Variants in AOPEP observed in about 807,000 individuals in gnomAD.
The protein encoded by AOPEP is aminopeptidase O.
In AOPEP, 77 loss-of-function variants were observed where a neutral mutation model predicts 98.1. The observed-to-expected ratio is 0.78, with a 90% CI of 0.65 to 0.95. AOPEP has a LOEUF of 0.95. Among genes scored for constraint, AOPEP ranks in the 40% least tolerant of loss-of-function variants. The probability of loss-of-function intolerance (pLI) is 0.00; values close to 1 mark genes in which losing one functional copy is unlikely to be tolerated. For synonymous variants in AOPEP, 346 were observed against 365.3 expected, an observed-to-expected ratio of 0.95 and a Z score of 0.60; for missense variants, 1,024 against 1,024.7, an observed-to-expected ratio of 1.00 and a Z score of 0.01.
intron 5 of AOPEP, among the ~76,000 whole-genome samples, chr9:94,805,236 T>C (rs921638271): frequency 2.0e-5 from 3 of 152,090 alleles, no homozygotes; most frequent in African/African-American, 7.2e-5. Context: ...GAGAACCTGA[T>C]TGGCTTAGCA....
Position 95,072,447 on chromosome 9 carries a change from G to A in AOPEP, c.2233-8247G>A, listed in dbSNP as rs1037622030. Among the ~76,000 whole-genome samples, 3 of 152,096 alleles carry A rather than the reference G, an allele frequency of 2.0e-5. No individual in the cohort carries two copies. The East Asian group carries it at 5.8e-4, about 29-fold the overall frequency. Reference sequence around the variant, plus strand: ...CTGAGGCGGGATCACTTGAGCCCAGGAGTTTTTGTATTTTTTATAGAGACA... The same window carrying A: ...CTGAGGCGGGATCACTTGAGCCCAGAAGTTTTTGTATTTTTTATAGAGACA... On this transcript the variant is annotated intron_variant, in intron 14 of 16. Coordinates refer to ENST00000375315, the MANE Select transcript of AOPEP (RefSeq NM_001193329.3).
At chr9:95,027,561 A>C (rs2063942425) in intron 13 of AOPEP, among the ~76,000 whole-genome samples, 1 of 152,150 alleles carries the variant, frequency 6.6e-6, no homozygotes, top group East Asian at 1.9e-4. Context: ...GATTATACAC[A>C]TTGTTTTAAT....
chr9:94,834,804 G>A (rs1264467539), intron 5 of AOPEP, among the ~76,000 whole-genome samples: 1 of 141,736 alleles, frequency 7.1e-6, no homozygotes, highest in Non-Finnish European at 1.5e-5. Flanking sequence ...ATGCATGCAT[G>A]CATGCATGCA....
intron 5 of AOPEP, among the ~76,000 whole-genome samples, chr9:94,845,570 G>A (rs868442345): frequency 6.6e-6 from 1 of 152,202 alleles, no homozygotes; most frequent in Non-Finnish European, 1.5e-5. Context: ...AAAGCTAATA[G>A]AGAAATCTAC....
chr9:94,911,588 A>G (rs2052043679), intron 5 of AOPEP, among the ~76,000 whole-genome samples: 1 of 152,258 alleles, frequency 6.6e-6, no homozygotes, highest in Non-Finnish European at 1.5e-5. Context: ...GTGTGTCTGA[A>G]GCATACAAGG....
At position 94,903,633 on chromosome 9, in the gene AOPEP, A is replaced by AC. The variant is rs1420608381; in HGVS notation, c.1365-20353_1365-20352insC. The stretch of plus-strand genomic sequence containing the variant: ...GCAAGACTCCATCTCTAAAAAAAAA[A>AC]AAAAAACAGTTTTCAAGTTTGCCTG... On this transcript the variant is annotated intron_variant, in intron 5 of 16. Transcript: ENST00000375315. 7.9e-4 allele frequency among the ~76,000 whole-genome samples: 120 copies of AC among 151,330 alleles called. 1 individual carries two copies. The highest frequency in any genetic ancestry group is 1.8e-3 in the Admixed American group (27 of 15,140).
rs751628578 is a variant in AOPEP at position 94,760,210 on chromosome 9, TTGCTAGTGTTGGAC to T, written c.432_445del (p.Val145Ter). On this transcript the variant is annotated frameshift_variant, in exon 2 of 17. Transcript: ENST00000375315. LOFTEE classifies it high-confidence loss of function. ...AGGGAATCATGGGAGTGAGGATTTT[TTGCTAGTGTTGGAC>T]TGCTGTGATTTATCTGTGTTAAAAG... 1.9e-6 allele frequency: 3 copies of T among 1,614,194 alleles called. No homozygotes were observed. The highest frequency in any genetic ancestry group is 2.5e-6 in the Non-Finnish European group (3 of 1,180,034).
At chr9:94,853,818 G>A (rs2043855211) in intron 5 of AOPEP, among the ~76,000 whole-genome samples, 1 of 152,162 alleles carries the variant, frequency 6.6e-6, no homozygotes, top group African/African-American at 2.4e-5. Context: ...GCAGAATAGG[G>A]TATTCTTCAT....
chr9:94,899,342 G>A (rs1325765310), intron 5 of AOPEP, among the ~76,000 whole-genome samples: 3 of 146,658 alleles, frequency 2.0e-5, no homozygotes, highest in African/African-American at 7.6e-5. Flanking sequence ...CCGCCACCAC[G>A]CCCGGCTATT....
chr9:94,875,485 GAAGT>G (rs2046843682), intron 5 of AOPEP, among the ~76,000 whole-genome samples: 1 of 151,746 alleles, frequency 6.6e-6, no homozygotes, highest in African/African-American at 2.4e-5. Flanking sequence ...ACAGAAAACA[GAAGT>G]AAGGTAGAGA....
intron 10 of AOPEP, among the ~76,000 whole-genome samples, chr9:94,978,980 G>A (rs965239055): frequency 7.2e-5 from 11 of 151,974 alleles, no homozygotes; most frequent in African/African-American, 1.7e-4. Context: ...TCGTGTTGAC[G>A]CACTCAATGC....
intron 7 of AOPEP, among the ~76,000 whole-genome samples, chr9:94,947,039 C>T (rs555411812): frequency 1.9e-4 from 29 of 150,722 alleles, no homozygotes; most frequent in Middle Eastern, 3.4e-3. Flanking sequence ...TGCAGTGGCG[C>T]GATCTCGGCT....
rs71366268 is a variant in AOPEP at position 94,885,348 on chromosome 9, C to CAAAAAAA, written c.1365-38602_1365-38596dup. ...TGGGTGACAGAGTGAGATCCTGTCT[C>CAAAAAAA]AAAAAAAAAAAAAAAAAAAAAAAAA... On this transcript the variant is annotated intron_variant, in intron 5 of 16. Transcript: ENST00000375315. 2.3e-3 allele frequency among the ~76,000 whole-genome samples: 83 copies of CAAAAAAA among 35,990 alleles called. 18 individuals carry two copies. Among genetic ancestry groups the CAAAAAAA allele is most frequent in the East Asian group, 6.5e-3 (5 of 774 alleles). The allele number at this position is 35,990 out of a possible 152,430, so 23.6% of individuals were successfully genotyped here.
intron 1 of AOPEP, among the ~76,000 whole-genome samples, chr9:94,738,635 G>T (rs986443630): frequency 6.6e-6 from 1 of 152,094 alleles, no homozygotes. Context: ...ATGCAGTGGC[G>T]CAATCTCCGC....
the AOPEP span, among the ~76,000 whole-genome samples, chr9:95,128,359 T>C: frequency 6.6e-6 from 1 of 152,252 alleles, no homozygotes; most frequent in African/African-American, 2.4e-5. Context: ...AGCACTGTTA[T>C]GTGCCCACAG....
chr9:94,840,926 A>G (rs972156266), intron 5 of AOPEP, among the ~76,000 whole-genome samples: 1 of 152,014 alleles, frequency 6.6e-6, no homozygotes, highest in East Asian at 1.9e-4. Context: ...TGATCTTTTC[A>G]AAGAATCATC....
At chr9:95,111,889 C>T in the AOPEP span, among the ~76,000 whole-genome samples, 13 of 152,222 alleles carry the variant, frequency 8.5e-5, no homozygotes, top group African/African-American at 2.4e-4. Context: ...GTCTTTAATC[C>T]AGGTACGTTC....
At chr9:94,761,705 C>G (rs922443576) in intron 2 of AOPEP, among the ~76,000 whole-genome samples, 1 of 152,184 alleles carries the variant, frequency 6.6e-6, no homozygotes, top group Non-Finnish European at 1.5e-5. Context: ...AGAATGAGTT[C>G]ACTTCCTGTC....
intron 13 of AOPEP, among the ~76,000 whole-genome samples, chr9:95,008,333 G>A (rs1413512486): frequency 6.6e-6 from 1 of 152,140 alleles, no homozygotes; most frequent in Admixed American, 6.5e-5. Flanking sequence ...CGATAGGAGG[G>A]GGCAGCTTTT....
Sources: gnomAD v4.1 joint callset for allele counts (sites outside exome capture counted in the v4.1 genomes callset) on GRCh38, gnomAD v4.1.1 for gene constraint, MANE v1.5 for transcripts, NCBI Gene and HGNC (gene_info 2026-07-23, HGNC 2026-07-21) for gene names.